MED12L: variants seen among roughly 807,000 people sequenced by gnomAD.
The protein encoded by MED12L is mediator of RNA polymerase II transcription subunit 12-like protein.
In MED12L, 60 loss-of-function variants were observed where a neutral mutation model predicts 281.3. The ratio of observed to expected loss-of-function variants is 0.21; its 90% CI spans 0.17 to 0.26. The LOEUF (loss-of-function observed/expected upper bound fraction) is 0.26. Ranked by LOEUF, MED12L falls within the 10% of genes least tolerant of loss-of-function variation. The pLI, the probability that MED12L is intolerant of heterozygous loss-of-function variation, is 1.00. For synonymous variants in MED12L, 974 were observed against 987.2 expected (o/e 0.99, Z 0.25); for missense variants, 2,146 against 2,680.9 (o/e 0.80, Z 4.41).
intron 16 of MED12L, among the ~76,000 whole-genome samples, chr3:151,247,407 T>C (rs1202823038): frequency 6.6e-6 from 1 of 152,060 alleles, no homozygotes; most frequent in Non-Finnish European, 1.5e-5. Flanking sequence ...ATGTGGCACA[T>C]GTACACCATG....
intron 16 of MED12L, among the ~76,000 whole-genome samples, chr3:151,281,664 G>T (rs139485300): frequency 6.6e-6 from 1 of 152,220 alleles, no homozygotes; most frequent in East Asian, 1.9e-4. Context: ...TCCTTTGGTG[G>T]AATCCTAAGA....
chr3:151,117,693 C>G (rs2148745173), intron 3 of MED12L, among the ~76,000 whole-genome samples: 1 of 146,040 alleles, frequency 6.8e-6, no homozygotes, highest in South Asian at 2.2e-4. Context: ...TTCTACAATA[C>G]TTTTTGCCCT....
At chr3:151,129,393 A>T (rs1715022724) in intron 5 of MED12L, among the ~76,000 whole-genome samples, 1 of 152,112 alleles carries the variant, frequency 6.6e-6, no homozygotes, top group Non-Finnish European at 1.5e-5. Flanking sequence ...CCCAGGAAAA[A>T]ATACTAGAAG....
At chr3:151,386,140 AAGAATC>A (rs1215704738) in intron 36 of MED12L, among the ~76,000 whole-genome samples, 7 of 152,204 alleles carry the variant, frequency 4.6e-5, no homozygotes, top group Non-Finnish European at 8.8e-5. Flanking sequence ...GAAGACATGA[AAGAATC>A]AGATTTACCA....
At chr3:151,403,033 T>C (rs1014400449) in intron 39 of MED12L, among the ~76,000 whole-genome samples, 12 of 151,984 alleles carry the variant, frequency 7.9e-5, no homozygotes, top group African/African-American at 2.9e-4. Context: ...TTTCTTTTTT[T>C]TTTTAATAAA....
At chr3:151,171,196 A>C (rs1355136784) in intron 11 of MED12L, among the ~76,000 whole-genome samples, 1 of 152,126 alleles carries the variant, frequency 6.6e-6, no homozygotes, top group Non-Finnish European at 1.5e-5. Context: ...CACACAAAGG[A>C]GTCGTTATGT....
rs1301513437 is a variant in MED12L at position 151,165,883 on chromosome 3, T to G, written c.1395T>G (p.Val465=). 6.2e-7 allele frequency: 1 copy of G among 1,614,018 alleles called. No homozygotes were observed. Among genetic ancestry groups the G allele is most frequent in the Non-Finnish European group, 8.5e-7 (1 of 1,180,020 alleles). The change falls in exon 11 of 45, where the codon GTT becomes GTG. Residue 465 remains valine (V), a synonymous_variant. Coordinates refer to ENST00000687756, the MANE Select transcript of MED12L (RefSeq NM_001393769.1). ...GTCGGGTTTTGCACACGTTGGAAGT[T>G]TTGGATCGTCACTGTTTTGACCGAA... ...TISRVLHTLE[V]LDRHCFDRTD...
At chr3:151,375,995 C>A in intron 27 of MED12L, 31 bp from the exon 28 acceptor site, 2 of 1,195,332 alleles carry the variant, frequency 1.7e-6, no homozygotes, top group Non-Finnish European at 2.3e-6. Context: ...AAAGCCAGTG[C>A]CTGTCAATCT....
chr3:151,275,732 G>T (rs1296612581), intron 16 of MED12L, among the ~76,000 whole-genome samples: 2 of 152,142 alleles, frequency 1.3e-5, no homozygotes, highest in Non-Finnish European at 2.9e-5. Context: ...AGTAAAGAGG[G>T]TTTTGGAGAC....
chr3:151,301,744 A>T (rs1745953751), intron 16 of MED12L, among the ~76,000 whole-genome samples: 1 of 152,232 alleles, frequency 6.6e-6, no homozygotes, highest in Non-Finnish European at 1.5e-5. Context: ...AAAAAGACAG[A>T]CAGTAACAAG....
At chr3:151,369,132 A>C (rs1197089422) in intron 25 of MED12L, among the ~76,000 whole-genome samples, 1 of 152,200 alleles carries the variant, frequency 6.6e-6, no homozygotes, top group Non-Finnish European at 1.5e-5. Flanking sequence ...TCTGCTCCTA[A>C]AGATCATTTC....
chr3:151,282,579 C>T (rs1742965854), intron 16 of MED12L, among the ~76,000 whole-genome samples: 1 of 152,082 alleles, frequency 6.6e-6, no homozygotes, highest in Admixed American at 6.5e-5. Flanking sequence ...GGAAATTGTC[C>T]TCTATAGGAT....
chr3:151,329,350 T>C, intron 16 of MED12L: 2 of 613,228 alleles, frequency 3.3e-6, no homozygotes, highest in Non-Finnish European at 5.8e-6. Flanking sequence ...ATCAGATTGC[T>C]GTAAATTATG....
chr3:151,089,535 C>G (rs750753287), intron 2 of MED12L, among the ~76,000 whole-genome samples: 2 of 151,998 alleles, frequency 1.3e-5, no homozygotes, highest in Non-Finnish European at 2.9e-5. Context: ...TGAGAAAAGC[C>G]CTCCTCCTGG....
intron 16 of MED12L, among the ~76,000 whole-genome samples, chr3:151,208,956 T>C (rs1726757175): frequency 6.6e-6 from 1 of 152,120 alleles, no homozygotes; most frequent in South Asian, 2.1e-4. Context: ...AGAACAAATT[T>C]ACTCCCTTGT....
chr3:151,087,776 G>A (rs1424639539), intron 2 of MED12L, among the ~76,000 whole-genome samples: 1 of 152,166 alleles, frequency 6.6e-6, no homozygotes, highest in Non-Finnish European at 1.5e-5. Flanking sequence ...GGTAACCATG[G>A]CATTTTGTAG....
chr3:151,402,490 A>T (rs1395781700), intron 39 of MED12L, among the ~76,000 whole-genome samples: 1 of 152,218 alleles, frequency 6.6e-6, no homozygotes, highest in Non-Finnish European at 1.5e-5. Flanking sequence ...TCCTTCAAGA[A>T]CATATGGCCT....
At chr3:151,143,578 T>G (rs906164432) in intron 5 of MED12L, among the ~76,000 whole-genome samples, 1 of 152,196 alleles carries the variant, frequency 6.6e-6, no homozygotes, top group African/African-American at 2.4e-5. Flanking sequence ...CAAGTATCTT[T>G]CACCAGTGCT....
At chr3:151,260,657 C>G (rs918919844) in intron 16 of MED12L, among the ~76,000 whole-genome samples, 1 of 152,152 alleles carries the variant, frequency 6.6e-6, no homozygotes, top group Non-Finnish European at 1.5e-5. Context: ...GGCCCTAAAG[C>G]TGGTTTTTAA....
Sources: gnomAD v4.1 joint callset for allele counts (sites outside exome capture counted in the v4.1 genomes callset) on GRCh38, gnomAD v4.1.1 for gene constraint, MANE v1.5 for transcripts, NCBI Gene and HGNC (gene_info 2026-07-23, HGNC 2026-07-21) for gene names.